Variants in FGF10 observed in about 807,000 individuals in gnomAD.
The protein encoded by FGF10 is FGF-10.
FGF10 carries 2 observed loss-of-function variants against 19.8 expected under a neutral mutation model. That is an observed-to-expected ratio of 0.10 (90% confidence interval 0.04 to 0.32). FGF10 has a LOEUF of 0.32. FGF10 is among the 10% of genes least tolerant of loss of function. FGF10 has a pLI of 1.00. For synonymous variants in FGF10, 112 were observed against 94.0 expected (o/e 1.19, Z -1.10); for missense variants, 191 against 246.3 (o/e 0.78, Z 1.50).
chr5:44,375,870 T>C (rs1741843267), intron 1 of FGF10, among the ~76,000 whole-genome samples: 1 of 152,188 alleles, frequency 6.6e-6, no homozygotes, highest in Non-Finnish European at 1.5e-5. Flanking sequence ...ATAATGTCAG[T>C]CTGGCACAAT....
chr5:44,332,651 G>T (rs1740762043), intron 1 of FGF10, among the ~76,000 whole-genome samples: 2 of 152,166 alleles, frequency 1.3e-5, no homozygotes, highest in South Asian at 4.1e-4. Flanking sequence ...ATCACCTGGG[G>T]TGACGCCTTA....
chr5:44,348,668 C>T (rs1034997702), intron 1 of FGF10, among the ~76,000 whole-genome samples: 11 of 145,132 alleles, frequency 7.6e-5, no homozygotes, highest in South Asian at 2.1e-4. Flanking sequence ...AGATATATAA[C>T]GAATGGCTTT....
At chr5:44,349,313 G>T (rs906476311) in intron 1 of FGF10, among the ~76,000 whole-genome samples, 1 of 148,592 alleles carries the variant, frequency 6.7e-6, no homozygotes, top group Non-Finnish European at 1.5e-5. Flanking sequence ...CATATGGAAA[G>T]CAATTTAGCT....
chr5:44,342,328 A>G (rs1472336130), intron 1 of FGF10, among the ~76,000 whole-genome samples: 3 of 151,994 alleles, frequency 2.0e-5, no homozygotes, highest in African/African-American at 4.8e-5. Context: ...AATTCAGTGT[A>G]CATTGTGTTA....
chr5:44,349,482 A>C (rs1400066036), intron 1 of FGF10, among the ~76,000 whole-genome samples: 3 of 83,794 alleles, frequency 3.6e-5, no homozygotes, highest in African/African-American at 1.3e-4. Flanking sequence ...GAATATATAT[A>C]TATATCAGAA....
At chr5:44,347,584 C>T (rs577819963) in intron 1 of FGF10, among the ~76,000 whole-genome samples, 1 of 151,840 alleles carries the variant, frequency 6.6e-6, no homozygotes, top group Non-Finnish European at 1.5e-5. Flanking sequence ...TCTTTCTTCT[C>T]TTGCTAAGAA....
chr5:44,348,254 C>A (rs1164248420), intron 1 of FGF10, among the ~76,000 whole-genome samples: 1 of 151,578 alleles, frequency 6.6e-6, no homozygotes, highest in Non-Finnish European at 1.5e-5. Context: ...ATATAATTTG[C>A]TTTTGTGAAA....
At chr5:44,319,995 C>G (rs1272275999) in intron 1 of FGF10, among the ~76,000 whole-genome samples, 1 of 152,164 alleles carries the variant, frequency 6.6e-6, no homozygotes, top group Non-Finnish European at 1.5e-5. Context: ...TGCCTGATCT[C>G]TGCCTCCCAT....
At position 44,388,820 on chromosome 5, in the gene FGF10, G is replaced by A; in HGVS notation, c.-138C>T. Reference sequence around the variant, plus strand: ...CCTCTGGGCGCGGATCTGGCCAGAAGTGAATGCACCAACATCCATAACTCC... The same window carrying A: ...CCTCTGGGCGCGGATCTGGCCAGAAATGAATGCACCAACATCCATAACTCC... On this transcript the variant is annotated 5_prime_UTR_variant, in exon 1 of 3. Coordinates refer to ENST00000264664, the MANE Select transcript of FGF10 (RefSeq NM_004465.2). The A allele has an allele frequency of 2.4e-6, 2 of 825,582 alleles. No homozygotes were observed. The highest frequency in any genetic ancestry group is 4.1e-6 in the Non-Finnish European group (2 of 487,228). The allele number at this position is 825,582 out of a possible 1,614,324, so 51.1% of individuals were successfully genotyped here. A position where few individuals can be genotyped will look rare whatever the true frequency, so the allele number is the denominator to read the frequency against.
intron 1 of FGF10, among the ~76,000 whole-genome samples, chr5:44,360,756 T>A (rs1261725521): frequency 6.6e-6 from 1 of 151,702 alleles, no homozygotes; most frequent in Non-Finnish European, 1.5e-5. Context: ...ATGTAATTAA[T>A]ATTTGCAAGG....
intron 1 of FGF10, among the ~76,000 whole-genome samples, chr5:44,317,866 T>C (rs1275241441): frequency 5.9e-5 from 9 of 152,162 alleles, no homozygotes; most frequent in Admixed American, 5.9e-4. Context: ...TTAGGATACA[T>C]TCACAGTGAG....
chr5:44,315,670 T>C (rs1740328472), intron 1 of FGF10, among the ~76,000 whole-genome samples: 1 of 152,152 alleles, frequency 6.6e-6, no homozygotes, highest in African/African-American at 2.4e-5. Context: ...CTGAAACATA[T>C]CATAGTTAGC....
intron 1 of FGF10, among the ~76,000 whole-genome samples, chr5:44,351,867 C>T (rs973762226): frequency 6.6e-6 from 1 of 151,642 alleles, no homozygotes. Context: ...CGTGCACACA[C>T]ATCTAGAGTT....
chr5:44,381,759 A>G (rs1182741178), intron 1 of FGF10, among the ~76,000 whole-genome samples: 1 of 152,204 alleles, frequency 6.6e-6, no homozygotes, highest in Non-Finnish European at 1.5e-5. Context: ...ATTACAGAAA[A>G]ACATTAAAAA....
chr5:44,363,589 T>C (rs1253214223), intron 1 of FGF10, among the ~76,000 whole-genome samples: 1 of 151,836 alleles, frequency 6.6e-6, no homozygotes, highest in Non-Finnish European at 1.5e-5. Flanking sequence ...CCAAAAAAGA[T>C]ATGTTTGTTG....
At chr5:44,369,032 C>A (rs1043848973) in intron 1 of FGF10, among the ~76,000 whole-genome samples, 1 of 151,934 alleles carries the variant, frequency 6.6e-6, no homozygotes, top group South Asian at 2.1e-4. Flanking sequence ...AGGAGATATT[C>A]CATGAATTAT....
chr5:44,340,478 CATT>C (rs1399891024), intron 1 of FGF10, among the ~76,000 whole-genome samples: 1 of 151,970 alleles, frequency 6.6e-6, no homozygotes, highest in African/African-American at 2.4e-5. Flanking sequence ...AGTTCAATGA[CATT>C]ATATGCAGCA....
intron 1 of FGF10, among the ~76,000 whole-genome samples, chr5:44,374,408 A>G (rs1269589538): frequency 1.3e-5 from 2 of 152,142 alleles, no homozygotes; most frequent in African/African-American, 4.8e-5. Context: ...TTAGAACCTG[A>G]TGTCTTTGGG....
intron 1 of FGF10, among the ~76,000 whole-genome samples, chr5:44,317,562 T>C (rs1485510424): frequency 6.6e-6 from 1 of 152,160 alleles, no homozygotes; most frequent in Non-Finnish European, 1.5e-5. Flanking sequence ...AAATTAATTG[T>C]TAAAGTGTGT....
Sources: gnomAD v4.1 joint callset for allele counts (sites outside exome capture counted in the v4.1 genomes callset) on GRCh38, gnomAD v4.1.1 for gene constraint, MANE v1.5 for transcripts, NCBI Gene and HGNC (gene_info 2026-07-23, HGNC 2026-07-21) for gene names.